Variants in CFAP54 observed in about 807,000 individuals in gnomAD.
CFAP54 encodes the protein cilia and flagella associated protein 54, also known as cilia- and flagella-associated protein 54.
CFAP54 carries 290 observed loss-of-function variants against 370.4 expected under a neutral mutation model. That is an observed-to-expected ratio of 0.78 (90% CI 0.71 to 0.86). CFAP54 has a LOEUF of 0.86. Among genes scored for constraint, CFAP54 ranks in the 40% least tolerant of loss-of-function variants. CFAP54 has a pLI of 0.00. For missense variants in CFAP54, 3,399 were observed against 3,528.7 expected, an observed-to-expected ratio of 0.96 and a Z score of 0.93; for synonymous variants, 1,206 against 1,236.5, an observed-to-expected ratio of 0.98 and a Z score of 0.52.
At chr12:96,773,804 C>A (rs1364300283) in intron 60 of CFAP54, among the ~76,000 whole-genome samples, 1 of 152,114 alleles carries the variant, frequency 6.6e-6, no homozygotes, top group Admixed American at 6.5e-5. Context: ...CTATTACATT[C>A]ATCTGTACAT....
At chr12:96,561,013 T>C (rs79119601) in intron 17 of CFAP54, among the ~76,000 whole-genome samples, 1 of 152,238 alleles carries the variant, frequency 6.6e-6, no homozygotes, top group Admixed American at 6.5e-5. Flanking sequence ...ATTCCTTTTT[T>C]ACTAATCTTT....
chr12:96,727,831 T>C (rs1957862329), intron 50 of CFAP54, among the ~76,000 whole-genome samples: 1 of 151,728 alleles, frequency 6.6e-6, no homozygotes, highest in African/African-American at 2.4e-5. Context: ...TTCCTTTCCA[T>C]GTTTAGTGCT....
At chr12:96,535,054 T>TG (rs1565887914) in intron 11 of CFAP54, among the ~76,000 whole-genome samples, 11 of 107,842 alleles carry the variant, frequency 1.0e-4, no homozygotes, top group African/African-American at 4.3e-4. Context: ...GTGTGTGTGT[T>TG]TATTTATTTA....
At chr12:96,501,220 A>G (rs952780591) in intron 2 of CFAP54, 21 of 250,114 alleles carry the variant, frequency 8.4e-5, no homozygotes, top group Admixed American at 8.3e-4. Context: ...TGGTAGGCAC[A>G]CAACAGGAAA....
intron 67 of CFAP54, among the ~76,000 whole-genome samples, chr12:96,873,973 C>A (rs2136475712): frequency 6.6e-6 from 1 of 152,238 alleles, no homozygotes; most frequent in South Asian, 2.1e-4. Flanking sequence ...TTCTCCGTAG[C>A]ATATGTTCTC....
intron 42 of CFAP54, 70 bp from the exon 43 acceptor site, chr12:96,688,845 TA>T: frequency 1.2e-6 from 1 of 805,508 alleles, no homozygotes; most frequent in Non-Finnish European, 2.0e-6. Flanking sequence ...GATATATATG[TA>T]AAGACATTTA....
chr12:96,743,490 C>T lies in CFAP54; in HGVS notation c.7308C>T (p.Phe2436=), dbSNP rs77529863. 9.7e-4 allele frequency: 1,560 copies of T among 1,614,040 alleles called. 14 individuals carry two copies. The African/African-American group carries it at 0.018, about 19-fold the overall frequency. The part of the protein sequence containing the change: ...SAGDTELQAE[F]LTQAVILGLQ... ...GGGACACGGAACTGCAGGCTGAATTCTTGACGCAAGCTGTAATTCTTGGCC... is the reference window on the plus strand; with the variant it reads ...GGGACACGGAACTGCAGGCTGAATTTTTGACGCAAGCTGTAATTCTTGGCC... The change falls in exon 53 of 68, where the codon TTC becomes TTT. Residue 2436 remains phenylalanine (F), a synonymous_variant. Transcript: ENST00000524981.
chr12:96,672,447 G>T (rs1427999124), intron 39 of CFAP54, among the ~76,000 whole-genome samples: 6 of 152,180 alleles, frequency 3.9e-5, no homozygotes, highest in Non-Finnish European at 7.3e-5. Flanking sequence ...TTGGGTTGGA[G>T]ATTTCAGAAG....
At chr12:96,601,490 C>T (rs913798743) in intron 26 of CFAP54, among the ~76,000 whole-genome samples, 10 of 152,152 alleles carry the variant, frequency 6.6e-5, no homozygotes, top group African/African-American at 2.4e-4. Flanking sequence ...AGGGAGGATT[C>T]CCTCTTTTTC....
intron 1 of CFAP54, among the ~76,000 whole-genome samples, chr12:96,493,706 G>A (rs1277379777): frequency 6.6e-6 from 1 of 152,154 alleles, no homozygotes; most frequent in African/African-American, 2.4e-5. Context: ...GCCGAGGCAG[G>A]AGAATCACTT....
intron 8 of CFAP54, among the ~76,000 whole-genome samples, chr12:96,524,005 C>G (rs1955348071): frequency 6.6e-6 from 1 of 151,594 alleles, no homozygotes; most frequent in Non-Finnish European, 1.5e-5. Flanking sequence ...TAACGTCATC[C>G]TATGTTACCT....
At chr12:96,494,783 A>G (rs1047589825) in intron 1 of CFAP54, among the ~76,000 whole-genome samples, 4 of 150,342 alleles carry the variant, frequency 2.7e-5, no homozygotes, top group Admixed American at 1.3e-4. Flanking sequence ...CTGGAGTGCA[A>G]TGACGCAATC....
chr12:96,708,877 T>C (rs893889243), intron 48 of CFAP54, 74 bp downstream of exon 48: 1 of 1,149,128 alleles, frequency 8.7e-7, no homozygotes, highest in African/African-American at 1.6e-5. Flanking sequence ...CCCACTAATC[T>C]ATATAAATGA....
chr12:96,667,228 G>A lies in CFAP54; in HGVS notation c.5563+3296G>A, dbSNP rs755529825. ...TGTGCACACAGTGCAAGCTGTCACCGGATCTATCATTTTGAGGTCTGGAGG... is the reference window on the plus strand; with the variant it reads ...TGTGCACACAGTGCAAGCTGTCACCAGATCTATCATTTTGAGGTCTGGAGG... On this transcript the variant is annotated intron_variant, in intron 39 of 67. Coordinates refer to ENST00000524981, the MANE Select transcript of CFAP54 (RefSeq NM_001306084.2). 1.0e-3 allele frequency among the ~76,000 whole-genome samples: 156 copies of A among 152,126 alleles called. 1 individual carries two copies. The highest frequency in any genetic ancestry group is 1.0e-3 in the Non-Finnish European group (69 of 68,034).
chr12:96,819,126 G>T (rs1015333570), intron 65 of CFAP54, among the ~76,000 whole-genome samples: 2 of 152,206 alleles, frequency 1.3e-5, no homozygotes, highest in African/African-American at 2.4e-5. Context: ...TGCTACGTTT[G>T]TTATTTGCTT....
At chr12:96,699,233 G>T (rs1046394946) in intron 45 of CFAP54, among the ~76,000 whole-genome samples, 2 of 152,166 alleles carry the variant, frequency 1.3e-5, no homozygotes, top group African/African-American at 4.8e-5. Context: ...TTTCCTATCT[G>T]CCCCGCAGAA....
Position 96,634,031 on chromosome 12 carries a change from A to G in CFAP54, c.4316+3380A>G, listed in dbSNP as rs187548437. Among the ~76,000 whole-genome samples the G allele has an allele frequency of 1.8e-3, 255 of 140,154 alleles. 3 individuals carry two copies. Among genetic ancestry groups the G allele is most frequent in the Non-Finnish European group, 3.1e-3 (190 of 61,872 alleles). The allele number at this position is 140,154 out of a possible 152,430, so 91.9% of individuals were successfully genotyped here. A position where few individuals can be genotyped will look rare whatever the true frequency, so the allele number is the denominator to read the frequency against. The stretch of plus-strand genomic sequence containing the variant: ...CTTAATTTGCATTTCTCTAATGGCT[A>G]ATGATAGCGAACATCTTTTTTTTTT... On this transcript the variant is annotated intron_variant, in intron 32 of 67. Transcript: ENST00000524981.
Position 96,599,086 on chromosome 12 carries a change from G to A in CFAP54, c.3639+319G>A, listed in dbSNP as rs147139849. ...AGGTTTGTTACATAGGTATACATAT[G>A]CCATGTTGGTTTGCTGCACCCATCA... On this transcript the variant is annotated intron_variant, in intron 26 of 67. Transcript: ENST00000524981. Among the ~76,000 whole-genome samples the A allele has an allele frequency of 9.2e-3, 1,398 of 152,106 alleles. 12 individuals carry two copies. Among genetic ancestry groups the A allele is most frequent in the Middle Eastern group, 0.037 (11 of 294 alleles).
chr12:96,528,442 A>G (rs996989501), intron 9 of CFAP54, among the ~76,000 whole-genome samples: 3 of 152,110 alleles, frequency 2.0e-5, no homozygotes, highest in Non-Finnish European at 4.4e-5. Context: ...TCACAAGGTC[A>G]TATTAGCCTC....
Sources: allele counts gnomAD v4.1 joint callset (sites outside exome capture counted in the v4.1 genomes callset), GRCh38; gene constraint gnomAD v4.1.1; transcripts MANE v1.5; gene names NCBI Gene and HGNC (gene_info 2026-07-23, HGNC 2026-07-21).